KDM7A: variants seen among roughly 807,000 people sequenced by gnomAD.
The protein encoded by KDM7A is lysine demethylase 7A.
In KDM7A, 28 loss-of-function variants were observed where a neutral mutation model predicts 114.8. The observed-to-expected ratio is 0.24, with a 90% CI of 0.18 to 0.33. KDM7A has a LOEUF of 0.33. KDM7A is among the 10% of genes least tolerant of loss of function. The probability of loss-of-function intolerance (pLI) is 1.00; values close to 1 mark genes in which losing one functional copy is unlikely to be tolerated. For missense variants in KDM7A, 942 were observed against 1,142.5 expected (o/e 0.82, Z 2.53); for synonymous variants, 423 against 397.8 (o/e 1.06, Z -0.75).
intron 13 of KDM7A, 95 bp from the exon 14 acceptor site, chr7:140,099,128 A>T: frequency 1.1e-6 from 1 of 922,778 alleles, no homozygotes; most frequent in Non-Finnish European, 1.6e-6. Context: ...AAGAGTAGAG[A>T]ATTGAGACAC....
intron 15 of KDM7A, 83 bp from the exon 16 acceptor site, chr7:140,097,130 T>C (rs1238520349): frequency 9.2e-6 from 9 of 975,052 alleles, no homozygotes; most frequent in African/African-American, 6.5e-5. Flanking sequence ...ATTTTATACA[T>C]CTAGAGAAAG....
intron 9 of KDM7A, among the ~76,000 whole-genome samples, chr7:140,114,355 A>G (rs957565705): frequency 2.0e-5 from 3 of 151,990 alleles, no homozygotes; most frequent in African/African-American, 7.2e-5. Flanking sequence ...TTTTTGGTGG[A>G]GACGGGGTTT....
intron 3 of KDM7A, among the ~76,000 whole-genome samples, chr7:140,130,132 T>C (rs1265367941): frequency 1.3e-5 from 2 of 152,206 alleles, no homozygotes; most frequent in African/African-American, 2.4e-5. Context: ...TTCTGTTCCT[T>C]AGCATTTTGG....
intron 1 of KDM7A, among the ~76,000 whole-genome samples, chr7:140,160,551 T>C (rs1794507324): frequency 6.6e-6 from 1 of 152,214 alleles, no homozygotes; most frequent in Non-Finnish European, 1.5e-5. Flanking sequence ...TTTTCAACTT[T>C]ATGATGGGCT....
chr7:140,166,336 T>C (rs1794575119), intron 1 of KDM7A, among the ~76,000 whole-genome samples: 2 of 102,912 alleles, frequency 1.9e-5, no homozygotes, highest in East Asian at 4.3e-4. Flanking sequence ...TTTTTTTTCC[T>C]TTTTTTTTTT....
intron 4 of KDM7A, among the ~76,000 whole-genome samples, chr7:140,128,777 T>C (rs1423551640): frequency 6.6e-6 from 1 of 152,216 alleles, no homozygotes; most frequent in East Asian, 1.9e-4. Context: ...AAAATAGATT[T>C]GGAATCTAAT....
rs759274680 is a variant in KDM7A at position 140,092,071 on chromosome 7, T to C, written c.2464A>G (p.Ser822Gly). 6.2e-7 allele frequency: 1 copy of C among 1,614,066 alleles called. No individual in the cohort carries two copies. Among genetic ancestry groups the C allele is most frequent in the Non-Finnish European group, 8.5e-7 (1 of 1,179,920 alleles). ...TTTCTGATGCATTTCTGGCTTCTAC[T>C]TAGATCCTGAAGGAGGAGGAAGGAC... ...DTSRFHPQDL[S>G]RSQKCIRKEG... The change falls in exon 19 of 20, where the codon AGT (serine) becomes GGT (glycine). Residue 822 changes from serine (S) to glycine (G), a missense_variant. Ser to Gly is a moderately conservative substitution (Grantham distance 56, BLOSUM62 0). Coordinates refer to ENST00000397560, the MANE Select transcript of KDM7A (RefSeq NM_030647.2).
rs887797635 is a variant in KDM7A at position 140,108,467 on chromosome 7, G to A, written c.1428+2628C>T. ...TGACCTAGAGATGGGGTTTTGGTGT[G>A]GATGTCCTTTCTGTTTGTTTTCCTT... On this transcript the variant is annotated intron_variant, in intron 11 of 19. Coordinates refer to ENST00000397560, the MANE Select transcript of KDM7A (RefSeq NM_030647.2). Among the ~76,000 whole-genome samples the A allele has an allele frequency of 7.9e-5, 12 of 152,078 alleles. 1 individual carries two copies. The highest frequency in any genetic ancestry group is 2.9e-4 in the African/African-American group (12 of 41,404).
At chr7:140,158,352 A>T (rs1794481770) in intron 1 of KDM7A, among the ~76,000 whole-genome samples, 1 of 152,234 alleles carries the variant, frequency 6.6e-6, no homozygotes, top group African/African-American at 2.4e-5. Flanking sequence ...GGCAACCAGT[A>T]GTAGTGAGAT....
At chr7:140,170,740 G>A (rs1212575418) in intron 1 of KDM7A, among the ~76,000 whole-genome samples, 1 of 152,196 alleles carries the variant, frequency 6.6e-6, no homozygotes, top group East Asian at 1.9e-4. Flanking sequence ...TTCCCTTCGA[G>A]AATGTAAGTC....
At chr7:140,127,409 G>C in intron 5 of KDM7A, 33 bp downstream of exon 5, 3 of 1,582,570 alleles carry the variant, frequency 1.9e-6, no homozygotes, top group Non-Finnish European at 2.6e-6. Context: ...CTAACACTCA[G>C]AATGCTAAAC....
chr7:140,163,114 C>T (rs1477533437), intron 1 of KDM7A, among the ~76,000 whole-genome samples: 1 of 151,584 alleles, frequency 6.6e-6, no homozygotes, highest in African/African-American at 2.4e-5. Flanking sequence ...CCTGCCCCAG[C>T]CTCCCAAGTA....
intron 18 of KDM7A, 177 bp from the exon 19 acceptor site, chr7:140,092,254 A>C: frequency 1.6e-6 from 1 of 620,594 alleles, no homozygotes. Context: ...GTAGCTCTGA[A>C]GGACTCGGGT....
chr7:140,100,713 T>TATATATATATATATATATATATATACAC (rs1562946059), intron 12 of KDM7A, among the ~76,000 whole-genome samples: 86 of 32,992 alleles, frequency 2.6e-3, no homozygotes, highest in South Asian at 9.8e-3. Flanking sequence ...TATATACACA[T>TATATATATATATATATATATATATACAC]ATATATATAT....
chr7:140,128,026 C>CA (rs5887954), intron 4 of KDM7A, among the ~76,000 whole-genome samples: 11,293 of 150,418 alleles, frequency 0.075, 487 homozygotes, highest in Non-Finnish European at 0.11. Flanking sequence ...GCTATCATTT[C>CA]AAAAAAAAAC....
intron 1 of KDM7A, among the ~76,000 whole-genome samples, chr7:140,139,478 T>A (rs990090298): frequency 6.6e-6 from 1 of 152,186 alleles, no homozygotes; most frequent in Admixed American, 6.5e-5. Context: ...TATGTAAATG[T>A]CACTGTTATT....
chr7:140,093,246 T>C (rs1818051947), intron 18 of KDM7A, among the ~76,000 whole-genome samples: 1 of 152,158 alleles, frequency 6.6e-6, no homozygotes, highest in South Asian at 2.1e-4. Flanking sequence ...GAGGCCTTTT[T>C]CACTTCTGCT....
intron 1 of KDM7A, among the ~76,000 whole-genome samples, chr7:140,150,611 C>T (rs1794388876): frequency 1.3e-5 from 2 of 152,056 alleles, no homozygotes; most frequent in Admixed American, 1.3e-4. Context: ...TCTGGAAGGG[C>T]ATGTAAGAAA....
At position 140,133,490 on chromosome 7, in the gene KDM7A, G is replaced by T. The variant is rs776424656; in HGVS notation, c.398+49C>A. On this transcript the variant is annotated intron_variant, in intron 3 of 19. Transcript: ENST00000397560. ...TTTATATAATGTCACTCTATGAGACGACATTCTTACATTCTTACATTTTCT... is the reference window on the plus strand; with the variant it reads ...TTTATATAATGTCACTCTATGAGACTACATTCTTACATTCTTACATTTTCT... 8.2e-6 allele frequency: 9 copies of T among 1,093,172 alleles called. 1 individual carries two copies. Among genetic ancestry groups the T allele is most frequent in the Non-Finnish European group, 1.3e-5 (9 of 714,212 alleles). The allele number at this position is 1,093,172 out of a possible 1,614,324, so 67.7% of individuals were successfully genotyped here. A position where few individuals can be genotyped will look rare whatever the true frequency, so the allele number is the denominator to read the frequency against.
Sources: allele counts gnomAD v4.1 joint callset (sites outside exome capture counted in the v4.1 genomes callset), GRCh38; gene constraint gnomAD v4.1.1; transcripts MANE v1.5; gene names NCBI Gene and HGNC (gene_info 2026-07-23, HGNC 2026-07-21).